AK3: variants seen among roughly 807,000 people sequenced by gnomAD.
AK3 encodes the protein GTP:AMP phosphotransferase AK3, mitochondrial.
AK3 carries 27 observed loss-of-function variants against 23.7 expected under a neutral mutation model. The ratio of observed to expected loss-of-function variants is 1.14; its 90% CI spans 0.84 to 1.57. The LOEUF is 1.57. Ranked by LOEUF, AK3 falls within the 40% of genes most tolerant of loss-of-function variation. AK3 has a pLI of 0.00. For missense variants in AK3, 406 were observed against 285.6 expected (o/e 1.42, Z -3.04); for synonymous variants, 159 against 116.0 (o/e 1.37, Z -2.38).
intron 4 of AK3, among the ~76,000 whole-genome samples, chr9:4,718,153 C>G (rs1023641760): frequency 6.6e-6 from 1 of 152,190 alleles, no homozygotes; most frequent in Non-Finnish European, 1.5e-5. Flanking sequence ...ATGTCTGCTA[C>G]CATGCAGGAA....
chr9:4,737,972 C>T (rs1434529192), intron 1 of AK3, among the ~76,000 whole-genome samples: 1 of 152,124 alleles, frequency 6.6e-6, no homozygotes, highest in Admixed American at 6.5e-5. Flanking sequence ...TTGGCACAAT[C>T]CTTCTGTTGT....
At chr9:4,716,515 T>A (rs412523) in intron 4 of AK3, among the ~76,000 whole-genome samples, 20,025 of 152,232 alleles carry the variant, frequency 0.13, 1,639 homozygotes, top group African/African-American at 0.23. Context: ...ATAGCTTGCC[T>A]AGGGCAAAAG....
rs558641204 is a variant in AK3 at position 4,734,187 on chromosome 9, G to C, written c.151+6750C>G. Among the ~76,000 whole-genome samples, 5 of 152,308 alleles carry C rather than the reference G, an allele frequency of 3.3e-5. No individual in the cohort carries two copies. In the East Asian group the frequency reaches 9.7e-4, roughly 29 times the overall value. On this transcript the variant is annotated intron_variant, in intron 1 of 4. Coordinates refer to ENST00000381809, the MANE Select transcript of AK3 (RefSeq NM_016282.4). ...GGAGGAGGAGACATCAGGGTTGCCT[G>C]CTTACAGAGGAAAGGCCATGTGAGA...
chr9:4,724,199 C>G (rs1167626709), intron 1 of AK3, among the ~76,000 whole-genome samples: 3 of 150,284 alleles, frequency 2.0e-5, no homozygotes, highest in Non-Finnish European at 2.9e-5. Context: ...ACTTCTCTGT[C>G]TACAGGCTTT....
At chr9:4,741,323 C>G (rs1044819035), upstream of AK3, 9 of 390,210 alleles carry the variant, frequency 2.3e-5, no homozygotes, top group Admixed American at 9.8e-5. Context: ...CCCGACCGAG[C>G]GCCTGTTCCC....
Position 4,718,413 on chromosome 9 carries a change from A to T in AK3, c.563+6T>A. ...GCAAGAGAAGTTCTGAAAAGCAAAA[A>T]CTCACTGGTAATATTCCAGGACTGG... On this transcript the variant is annotated splice_donor_region_variant and intron_variant, in intron 4 of 4. Coordinates refer to ENST00000381809, the MANE Select transcript of AK3 (RefSeq NM_016282.4). The T allele has an allele frequency of 6.2e-7, 1 of 1,607,746 alleles. No individual in the cohort carries two copies. Among genetic ancestry groups the T allele is most frequent in the Non-Finnish European group, 8.5e-7 (1 of 1,176,026 alleles).
chr9:4,725,112 C>G (rs566747726), intron 1 of AK3, among the ~76,000 whole-genome samples: 15 of 151,596 alleles, frequency 9.9e-5, no homozygotes, highest in Admixed American at 6.6e-4. Context: ...AACCTCCCCC[C>G]TCCCAGGTTC....
Position 4,712,793 on chromosome 9 carries a change from G to C in AK3, c.*183C>G, listed in dbSNP as rs1206189448. The C allele has an allele frequency of 3.4e-6, 2 of 589,264 alleles. No homozygotes were observed. Among genetic ancestry groups the C allele is most frequent in the African/African-American group, 3.7e-5 (2 of 53,606 alleles). 36.5% of individuals were successfully genotyped at this position (589,264 alleles called of 1,614,324 possible). A position where few individuals can be genotyped will look rare whatever the true frequency, so the allele number is the denominator to read the frequency against. ...TACAACACACTAGATGATTTCAAACGATGCATCTTAGTATCCGAATCATTT... is the reference window on the plus strand; with the variant it reads ...TACAACACACTAGATGATTTCAAACCATGCATCTTAGTATCCGAATCATTT... On this transcript the variant is annotated 3_prime_UTR_variant, in exon 5 of 5. Coordinates refer to ENST00000381809, the MANE Select transcript of AK3 (RefSeq NM_016282.4).
intron 3 of AK3, 117 bp downstream of exon 3, chr9:4,719,018 G>C (rs1431846286): frequency 3.3e-6 from 4 of 1,194,104 alleles, no homozygotes; most frequent in East Asian, 2.4e-5. Context: ...AGTAACCTGA[G>C]AATATACCCT....
At chr9:4,735,678 A>C (rs1842274736) in intron 1 of AK3, among the ~76,000 whole-genome samples, 1 of 150,180 alleles carries the variant, frequency 6.7e-6, no homozygotes, top group Non-Finnish European at 1.5e-5. Flanking sequence ...CATGTTGACC[A>C]GGCTGATCCC....
intron 1 of AK3, among the ~76,000 whole-genome samples, chr9:4,727,249 A>C (rs1842040985): frequency 6.6e-6 from 1 of 152,156 alleles, no homozygotes; most frequent in African/African-American, 2.4e-5. Flanking sequence ...CTGTCCTTTG[A>C]AGCTTTGAAG....
At chr9:4,716,810 A>G (rs1841748121) in intron 4 of AK3, among the ~76,000 whole-genome samples, 1 of 152,192 alleles carries the variant, frequency 6.6e-6, no homozygotes, top group South Asian at 2.1e-4. Context: ...ACGGGCCTAT[A>G]GTCCTGGCTA....
chr9:4,718,430 C>G lies in AK3; in HGVS notation c.552G>C (p.Leu184=). 6.2e-7 allele frequency: 1 copy of G among 1,612,094 alleles called. No individual in the cohort carries two copies. Among genetic ancestry groups the G allele is most frequent in the Non-Finnish European group, 8.5e-7 (1 of 1,179,468 alleles). ...AAGCAAAAACTCACTGGTAATATTC[C>G]AGGACTGGCTTTGTTTGGTCTTCAT... The part of the protein sequence containing the change: ...KAYEDQTKPV[L]EYYQKKGVLE... The change falls in exon 4 of 5, where the codon CTG becomes CTC. Residue 184 remains leucine (L), a synonymous_variant. Transcript: ENST00000381809.
At chr9:4,722,777 C>T (rs546312054) in intron 1 of AK3, 152 bp from the exon 2 acceptor site, 5 of 1,239,530 alleles carry the variant, frequency 4.0e-6, no homozygotes, top group South Asian at 1.5e-5. Context: ...AAGGTTATGG[C>T]CGGGAACAGT....
At position 4,712,010 on chromosome 9, in the gene AK3, A is replaced by G. The variant is rs1010330207; in HGVS notation, c.*966T>C. 1.3e-5 allele frequency: 2 copies of G among 152,190 alleles called. No individual in the cohort carries two copies. 9.4% of individuals were successfully genotyped at this position (152,190 alleles called of 1,614,324 possible). ...CATGCCTCATCTATTTACTAACAAC[A>G]AAGTATGCTTACTTTATTTACATAG... On this transcript the variant is annotated 3_prime_UTR_variant, in exon 5 of 5. Transcript: ENST00000381809.
At chr9:4,714,042 A>C (rs74210676) in intron 4 of AK3, among the ~76,000 whole-genome samples, 2 of 1,464 alleles carry the variant, frequency 1.4e-3, no homozygotes. Context: ...ATATACATCT[A>C]CACATATACA....
At chr9:4,732,870 C>T (rs56251613) in intron 1 of AK3, among the ~76,000 whole-genome samples, 2 of 142,430 alleles carry the variant, frequency 1.4e-5, no homozygotes, top group Admixed American at 7.0e-5. Context: ...CTCTCTCTCT[C>T]TTTTTTTTTT....
chr9:4,721,831 C>T (rs1467423355), intron 2 of AK3, among the ~76,000 whole-genome samples: 5 of 152,194 alleles, frequency 3.3e-5, no homozygotes, highest in African/African-American at 7.2e-5. Flanking sequence ...TTGTTTACTA[C>T]TTGTCTTCTA....
chr9:4,710,619 T>A lies in AK3; in HGVS notation c.*2357A>T. 1 of 152,162 alleles carries A rather than the reference T, an allele frequency of 6.6e-6. No individual in the cohort carries two copies. Among genetic ancestry groups the A allele is most frequent in the South Asian group, 2.1e-4 (1 of 4,824 alleles). The allele number at this position is 152,162 out of a possible 1,614,324, so 9.4% of individuals were successfully genotyped here. A position where few individuals can be genotyped will look rare whatever the true frequency, so the allele number is the denominator to read the frequency against. ...GGTACATAAATCTTAATGATGGTCATTACAGAATTATTTTTTTGGGTGGGG... is the reference window on the plus strand; with the variant it reads ...GGTACATAAATCTTAATGATGGTCAATACAGAATTATTTTTTTGGGTGGGG... On this transcript the variant is annotated 3_prime_UTR_variant, in exon 5 of 5. Transcript: ENST00000381809.
Sources: gnomAD v4.1 joint callset for allele counts (sites outside exome capture counted in the v4.1 genomes callset) on GRCh38, gnomAD v4.1.1 for gene constraint, MANE v1.5 for transcripts, NCBI Gene and HGNC (gene_info 2026-07-23, HGNC 2026-07-21) for gene names.